Variants in USP53 observed in about 807,000 individuals in gnomAD.
USP53 encodes ubiquitin specific peptidase 53, also known as ubiquitin carboxyl-terminal hydrolase 53.
In USP53, 71 loss-of-function variants were observed where a neutral mutation model predicts 94.9. The observed-to-expected ratio is 0.75, with a 90% confidence interval of 0.62 to 0.91. USP53 has a LOEUF of 0.91. USP53 is among the 40% of genes least tolerant of loss of function. The pLI is 0.00. For missense variants in USP53, 1,173 were observed against 1,281.0 expected, an observed-to-expected ratio of 0.92 and a Z score of 1.29; for synonymous variants, 375 against 422.7, an observed-to-expected ratio of 0.89 and a Z score of 1.39.
At chr4:119,280,841 T>C (rs537440426) in intron 17 of USP53, among the ~76,000 whole-genome samples, 1 of 152,162 alleles carries the variant, frequency 6.6e-6, no homozygotes, top group Non-Finnish European at 1.5e-5. Flanking sequence ...AAGGAAGATA[T>C]ATTGTGGAGA....
At chr4:119,236,028 G>T (rs1298661974) in intron 4 of USP53, among the ~76,000 whole-genome samples, 1 of 152,076 alleles carries the variant, frequency 6.6e-6, no homozygotes, top group Non-Finnish European at 1.5e-5. Flanking sequence ...TCAATACATG[G>T]CTCAAAAAAT....
intron 5 of USP53, among the ~76,000 whole-genome samples, chr4:119,242,934 A>C (rs1478827104): frequency 6.6e-6 from 1 of 152,212 alleles, no homozygotes; most frequent in Non-Finnish European, 1.5e-5. Context: ...TCTTATTAAT[A>C]TTTAAGCTAT....
At chr4:119,243,851 A>G (rs1338753000) in intron 5 of USP53, among the ~76,000 whole-genome samples, 3 of 138,230 alleles carry the variant, frequency 2.2e-5, no homozygotes, top group African/African-American at 7.8e-5. Context: ...AAGGAAAGTT[A>G]TTTAATACTA....
intron 12 of USP53, among the ~76,000 whole-genome samples, chr4:119,264,492 A>G (rs928033596): frequency 4.6e-5 from 7 of 152,252 alleles, no homozygotes; most frequent in African/African-American, 1.7e-4. Context: ...TATCCAGAAT[A>G]TTGAAAGAAC....
intron 2 of USP53, among the ~76,000 whole-genome samples, chr4:119,214,501 T>G (rs1174257351): frequency 6.6e-6 from 1 of 152,074 alleles, no homozygotes; most frequent in African/African-American, 2.4e-5. Flanking sequence ...TCATGGAATT[T>G]GATACTAATA....
At chr4:119,252,063 T>G (rs1392050965) in intron 7 of USP53, among the ~76,000 whole-genome samples, 1 of 152,222 alleles carries the variant, frequency 6.6e-6, no homozygotes, top group African/African-American at 2.4e-5. Flanking sequence ...TGAACCAGCC[T>G]TGCATCAGAG....
intron 17 of USP53, among the ~76,000 whole-genome samples, chr4:119,286,876 C>T (rs940636960): frequency 4.6e-4 from 70 of 151,810 alleles, no homozygotes; most frequent in African/African-American, 1.5e-3. Flanking sequence ...GCAAAGTTTT[C>T]GAGCCTCAGG....
At chr4:119,270,784 G>A (rs1430221549) in intron 15 of USP53, among the ~76,000 whole-genome samples, 4 of 152,000 alleles carry the variant, frequency 2.6e-5, no homozygotes, top group African/African-American at 2.4e-5. Context: ...ACCTTTATAC[G>A]TTTTTGCCTA....
In USP53 at chr4:119,256,312, A is replaced by T. The variant is rs1749754616; in HGVS notation, c.439A>T (p.Lys147Ter). ...CAGAGATGCAGACATGTGTACCTCTAAATCTTGTATCACTCACCAGAAGTT... is the reference window on the plus strand; with the variant it reads ...CAGAGATGCAGACATGTGTACCTCTTAATCTTGTATCACTCACCAGAAGTT... ...PSRDADMCTS[K>*]SCITHQKFAM... The change falls in exon 8 of 19, where the codon AAA becomes TAA. Residue 147 changes from lysine (K) to a stop codon, truncating the protein, a stop_gained. Coordinates refer to ENST00000692078, the MANE Select transcript of USP53 (RefSeq NM_001371395.1). LOFTEE classifies it high-confidence loss of function. 6.2e-7 allele frequency: 1 copy of T among 1,614,012 alleles called. No individual in the cohort carries two copies. The highest frequency in any genetic ancestry group is 8.5e-7 in the Non-Finnish European group (1 of 1,179,974).
intron 6 of USP53, among the ~76,000 whole-genome samples, chr4:119,247,188 A>C (rs1748362299): frequency 6.6e-6 from 1 of 152,162 alleles, no homozygotes; most frequent in Non-Finnish European, 1.5e-5. Context: ...TTCCTAGACC[A>C]ACTCTCTTGT....
chr4:119,263,564 TG>T (rs1328347079), intron 12 of USP53, among the ~76,000 whole-genome samples: 1 of 152,118 alleles, frequency 6.6e-6, no homozygotes, highest in Non-Finnish European at 1.5e-5. Context: ...TGGGGTTAGT[TG>T]GGAAAGATGG....
chr4:119,243,237 C>T (rs999868882), intron 5 of USP53, among the ~76,000 whole-genome samples: 2 of 152,186 alleles, frequency 1.3e-5, no homozygotes, highest in African/African-American at 4.8e-5. Context: ...GTGGCTTACA[C>T]CTGTAATCCT....
chr4:119,220,334 CTT>C (rs1211118229), intron 3 of USP53: 2 of 152,118 alleles, frequency 1.3e-5, no homozygotes, highest in Admixed American at 6.5e-5. Flanking sequence ...ACTATTAACT[CTT>C]TTAGGAAAAA....
chr4:119,231,110 A>G (rs770767412), intron 3 of USP53, among the ~76,000 whole-genome samples: 5 of 152,186 alleles, frequency 3.3e-5, no homozygotes, highest in Admixed American at 6.5e-5. Context: ...TTGAGGAACT[A>G]GGAAGAGGTA....
chr4:119,236,959 C>T (rs1414609606), intron 4 of USP53, among the ~76,000 whole-genome samples: 1 of 152,134 alleles, frequency 6.6e-6, no homozygotes, highest in African/African-American at 2.4e-5. Flanking sequence ...CTTTCTGTGG[C>T]AGCTGTGGCC....
At chr4:119,243,137 A>G (rs1157609215) in intron 5 of USP53, among the ~76,000 whole-genome samples, 1 of 152,210 alleles carries the variant, frequency 6.6e-6, no homozygotes, top group African/African-American at 2.4e-5. Context: ...GCTAGAAACT[A>G]ATTAGTTCAA....
At position 119,256,494 on chromosome 4, in the gene USP53, T is replaced by G. The variant is rs761658068; in HGVS notation, c.540T>G (p.Phe180Leu). 6.2e-7 allele frequency: 1 copy of G among 1,614,138 alleles called. No individual in the cohort carries two copies. The highest frequency in any genetic ancestry group is 1.1e-5 in the South Asian group (1 of 91,084). The change falls in exon 9 of 19, where the codon TTT becomes TTG. Residue 180 changes from phenylalanine (F) to leucine (L), a missense_variant. Phe to Leu is a conservative substitution (Grantham distance 22). Transcript: ENST00000692078. ...ASSDPLPFTEFVRYISTTALC... is the reference protein window; with the variant it reads ...ASSDPLPFTELVRYISTTALC... ...CAGATCCTCTACCTTTTACAGAATT[T>G]GTGCGGTACATTTCTACAACAGCCT...
intron 3 of USP53, chr4:119,219,243 A>G (rs1744195189): frequency 6.6e-6 from 1 of 152,228 alleles, no homozygotes; most frequent in African/African-American, 2.4e-5. Context: ...CAGTTCTGGA[A>G]CTAGAAGTCC....
At chr4:119,281,093 A>G (rs965923292) in intron 17 of USP53, among the ~76,000 whole-genome samples, 3 of 152,234 alleles carry the variant, frequency 2.0e-5, no homozygotes, top group Non-Finnish European at 4.4e-5. Context: ...TTTGGCACCA[A>G]TAACTATGCA....
Sources: gnomAD v4.1 joint callset for allele counts (sites outside exome capture counted in the v4.1 genomes callset) on GRCh38, gnomAD v4.1.1 for gene constraint, MANE v1.5 for transcripts, NCBI Gene and HGNC (gene_info 2026-07-23, HGNC 2026-07-21) for gene names.